The following TNS1 variants were observed in gnomAD, a reference collection of about 807,000 sequenced individuals.
The protein encoded by TNS1 is tensin 1.
A neutral mutation model predicts 168.6 loss-of-function variants in TNS1; 62 were observed. The observed-to-expected ratio is 0.37, with a 90% confidence interval of 0.30 to 0.45. The LOEUF (loss-of-function observed/expected upper bound fraction) is 0.45. TNS1 is among the 20% of genes least tolerant of loss of function. TNS1 has a pLI of 1.00. For missense variants in TNS1, 2,240 were observed against 2,339.4 expected (o/e 0.96, Z 0.88); for synonymous variants, 934 against 933.2 (o/e 1.00, Z -0.02).
intron 3 of TNS1, among the ~76,000 whole-genome samples, chr2:217,977,323 A>G (rs917608101): frequency 3.9e-5 from 6 of 152,214 alleles, no homozygotes; most frequent in Non-Finnish European, 7.3e-5. Context: ...AAAGGAGAAG[A>G]CAAGGGAAGG....
At chr2:217,887,401 C>T (rs1010061576) in intron 12 of TNS1, among the ~76,000 whole-genome samples, 2 of 152,156 alleles carry the variant, frequency 1.3e-5, no homozygotes, top group Non-Finnish European at 2.9e-5. Flanking sequence ...CTCTGCCTCC[C>T]GGGTTCAAGT....
At chr2:217,805,504 C>CCACCACACA (rs1207913865) in intron 32 of TNS1, among the ~76,000 whole-genome samples, 1 of 58,204 alleles carries the variant, frequency 1.7e-5, no homozygotes, top group African/African-American at 8.3e-5. Context: ...ACCACACACA[C>CCACCACACA]CACCACACAC....
intron 1 of TNS1, among the ~76,000 whole-genome samples, chr2:218,031,466 TGA>T (rs1478765773): frequency 3.7e-4 from 56 of 151,074 alleles, no homozygotes; most frequent in Admixed American, 5.3e-4. Flanking sequence ...TCTGTGTGTG[TGA>T]GTGTATGAGT....
At chr2:217,978,861 C>G (rs1289666876) in intron 2 of TNS1, 59 bp from the exon 3 acceptor site, 2 of 701,422 alleles carry the variant, frequency 2.9e-6, no homozygotes, top group African/African-American at 3.5e-5. Context: ...AATGGAAACT[C>G]CGCGAAATCT....
chr2:217,817,724 G>A lies in TNS1; in HGVS notation c.4608C>T (p.His1536=). Residue 1536 remains histidine (H), a synonymous_variant, in exon 24 of 33, where the codon CAC becomes CAT. Transcript: ENST00000682258. ...PSGGSTVSFS[H]TLPDFSKYSM... is the part of the protein sequence containing the mutation. Reference sequence around the variant, plus strand: ...AGTACTTGGAGAAGTCGGGCAGAGTGTGGGAGAAGGAGACGGTGCTGCCCC... The same window carrying A: ...AGTACTTGGAGAAGTCGGGCAGAGTATGGGAGAAGGAGACGGTGCTGCCCC... 1 of 1,606,692 alleles carries A rather than the reference G, an allele frequency of 6.2e-7. No individual in the cohort carries two copies. Among genetic ancestry groups the A allele is most frequent in the Non-Finnish European group, 8.5e-7 (1 of 1,174,336 alleles).
chr2:217,898,337 T>A (rs2125739762), intron 7 of TNS1, among the ~76,000 whole-genome samples: 1 of 152,276 alleles, frequency 6.6e-6, no homozygotes, highest in East Asian at 1.9e-4. Context: ...CTCCCAACAC[T>A]GGCTGCCTGG....
rs148866471 is a variant in TNS1, at chr2:217,848,300, G to A, written c.2217C>T (p.Ser739=). ...VTTSHYAHDP[S]GMFRSQSFSE... ...AAAAGGATTGAGAGCGGAACATACC[G>A]CTGGGGTCATGGGCATAGTGGGAGG... is the stretch of plus-strand genomic sequence containing the variant. Residue 739 remains serine, a synonymous_variant, in exon 19 of 33, where the codon AGC becomes AGT. Coordinates refer to ENST00000682258, the MANE Select transcript of TNS1 (RefSeq NM_001387777.1). The A allele has an allele frequency of 1.3e-4, 194 of 1,541,922 alleles. No individual in the cohort carries two copies. Among genetic ancestry groups the A allele is most frequent in the Non-Finnish European group, 1.5e-4 (175 of 1,143,016 alleles).
At chr2:217,988,781 C>A (rs1958269941) in intron 2 of TNS1, among the ~76,000 whole-genome samples, 1 of 152,154 alleles carries the variant, frequency 6.6e-6, no homozygotes, top group Non-Finnish European at 1.5e-5. Context: ...GTCCTGAAAT[C>A]CCCACTCGGG....
rs769251500 is a variant in TNS1, at chr2:217,809,986, T to C, written c.5110A>G (p.Asn1704Asp). The C allele has an allele frequency of 6.2e-7, 1 of 1,610,792 alleles. No homozygotes were observed. The highest frequency in any genetic ancestry group is 1.3e-5 in the African/African-American group (1 of 74,792). ...ADLLKQGAAC[N>D]VLFVNSVDME... ...TCCACAGAGTTGACGAAGAGCACAT[T>C]GCAGGCTGGAAGAAACCAACCCAAG... The change falls in exon 30 of 33, where the codon AAT becomes GAT. Residue 1704 changes from asparagine (N) to aspartate (D), a missense_variant. Asn to Asp is a conservative substitution (Grantham distance 23, BLOSUM62 1). This residue lies in a region of TNS1 where 2,131 missense variants were observed against 2,171.2 expected (regional missense o/e 0.98). Transcript: ENST00000682258.
intron 1 of TNS1, among the ~76,000 whole-genome samples, chr2:217,993,251 T>G (rs1242043183): frequency 6.6e-6 from 1 of 152,190 alleles, no homozygotes; most frequent in Non-Finnish European, 1.5e-5. Flanking sequence ...AAGTGACTCA[T>G]GACTGTAACT....
At chr2:218,024,302 AC>A (rs1302240404) in intron 1 of TNS1, among the ~76,000 whole-genome samples, 2 of 120,582 alleles carry the variant, frequency 1.7e-5, no homozygotes, top group Admixed American at 8.7e-5. Context: ...GAAACCACCC[AC>A]CCCCCCATCC....
chr2:217,845,330 G>T (rs1307920970), intron 19 of TNS1, among the ~76,000 whole-genome samples: 1 of 152,232 alleles, frequency 6.6e-6, no homozygotes, highest in African/African-American at 2.4e-5. Context: ...AGACAGAGCA[G>T]AAAGAAGTAG....
intron 3 of TNS1, among the ~76,000 whole-genome samples, chr2:217,958,620 G>C (rs998930362): frequency 2.0e-5 from 3 of 152,222 alleles, no homozygotes; most frequent in African/African-American, 7.2e-5. Context: ...CTTACAGACA[G>C]GTAAAGTGTG....
At chr2:217,926,053 A>G (rs1224356193) in intron 3 of TNS1, among the ~76,000 whole-genome samples, 1 of 152,142 alleles carries the variant, frequency 6.6e-6, no homozygotes, top group Non-Finnish European at 1.5e-5. Flanking sequence ...CCCTAATCCA[A>G]TCTGACTGGT....
Position 217,893,705 on chromosome 2 carries a change from A to C in TNS1, c.595-144T>G, listed in dbSNP as rs911577996. ...GCCAGGACTTGGTTCCTCCCTGCCC[A>C]CTGGCCAGCGAGGAGGCAGGGGAGT... On this transcript the variant is annotated intron_variant, in intron 9 of 32. Coordinates refer to ENST00000682258, the MANE Select transcript of TNS1 (RefSeq NM_001387777.1). 6 of 1,218,054 alleles carry C rather than the reference A, an allele frequency of 4.9e-6. No homozygotes were observed. The African/African-American group carries it at 7.6e-5, about 15-fold the overall frequency. 75.5% of individuals were successfully genotyped at this position (1,218,054 alleles called of 1,614,324 possible). A position where few individuals can be genotyped will look rare whatever the true frequency, so the allele number is the denominator to read the frequency against.
chr2:217,855,729 C>A (rs140483509), intron 18 of TNS1, among the ~76,000 whole-genome samples: 6 of 152,184 alleles, frequency 3.9e-5, no homozygotes, highest in African/African-American at 1.4e-4. Context: ...TTGCCTTACA[C>A]CGAGTAGCCG....
intron 18 of TNS1, among the ~76,000 whole-genome samples, chr2:217,862,749 T>C (rs1948899743): frequency 6.8e-6 from 1 of 147,824 alleles, no homozygotes; most frequent in African/African-American, 2.5e-5. Context: ...TCAGAGGGAG[T>C]CCTCCCCACT....
intron 3 of TNS1, among the ~76,000 whole-genome samples, chr2:217,937,849 A>T (rs980773001): frequency 6.6e-6 from 1 of 152,014 alleles, no homozygotes; most frequent in African/African-American, 2.4e-5. Context: ...TCCCACCCAG[A>T]TGGACCCAGG....
At chr2:217,830,415 C>G (rs369595089) in intron 22 of TNS1, 37 of 1,612,798 alleles carry the variant, frequency 2.3e-5, no homozygotes, top group Admixed American at 1.7e-5. Context: ...AAAGTTGACC[C>G]CAATAGCCCC....
Sources: allele counts gnomAD v4.1 joint callset (sites outside exome capture counted in the v4.1 genomes callset), GRCh38; gene constraint gnomAD v4.1.1; regional missense constraint gnomAD v4.1.1; transcripts MANE v1.5; gene names NCBI Gene and HGNC (gene_info 2026-07-23, HGNC 2026-07-21).